Variants in HMMR observed in about 807,000 individuals in gnomAD.
HMMR encodes intracellular hyaluronic acid-binding protein.
A neutral mutation model predicts 101.0 loss-of-function variants in HMMR; 108 were observed. The observed-to-expected ratio is 1.07, with a 90% CI of 0.92 to 1.25. HMMR has a LOEUF of 1.25. Among genes scored for constraint, HMMR ranks in the 50% most tolerant of loss-of-function variants. HMMR has a pLI of 0.00. For missense variants in HMMR, 813 were observed against 788.7 expected, an observed-to-expected ratio of 1.03 and a Z score of -0.37; for synonymous variants, 296 against 276.4, an observed-to-expected ratio of 1.07 and a Z score of -0.70.
intron 16 of HMMR, chr5:163,489,299 C>G (rs557103694): frequency 6.6e-6 from 1 of 152,450 alleles, no homozygotes; most frequent in Admixed American, 6.5e-5. Context: ...GGGTATTGGT[C>G]TGTAGCCCGG....
At chr5:163,475,036 A>G (rs1442573768) in intron 10 of HMMR, among the ~76,000 whole-genome samples, 1 of 152,120 alleles carries the variant, frequency 6.6e-6, no homozygotes, top group Non-Finnish European at 1.5e-5. Flanking sequence ...AGATAATATT[A>G]ACATCATTTG....
intron 7 of HMMR, among the ~76,000 whole-genome samples, chr5:163,472,425 T>C (rs553239284): frequency 1.3e-5 from 2 of 152,302 alleles, no homozygotes; most frequent in South Asian, 4.1e-4. Context: ...TGTTTTATGT[T>C]TTTTTATGGA....
intron 12 of HMMR, 68 bp from the exon 13 acceptor site, chr5:163,482,574 C>T (rs182979055): frequency 4.4e-6 from 5 of 1,131,446 alleles, no homozygotes; most frequent in Non-Finnish European, 6.5e-6. Context: ...AAAGTGTAAA[C>T]TAATCAGTTA....
In HMMR at chr5:163,460,676, T is replaced by G; in HGVS notation, c.-17T>G. On this transcript the variant is annotated 5_prime_UTR_variant, in exon 1 of 18. Transcript: ENST00000393915. ...AGGAGTGCCAGTCACCTTCAGTTTC[T>G]GGAGCTGGCCGTCAACATGTCCTTT... 1.2e-6 allele frequency: 2 copies of G among 1,601,052 alleles called. No homozygotes were observed. The highest frequency in any genetic ancestry group is 1.7e-6 in the Non-Finnish European group (2 of 1,173,166).
chr5:163,484,991 C>T (rs1759427108), intron 16 of HMMR, among the ~76,000 whole-genome samples: 1 of 152,048 alleles, frequency 6.6e-6, no homozygotes, highest in Non-Finnish European at 1.5e-5. Flanking sequence ...TGTGGGTATA[C>T]CACATTTTAT....
intron 10 of HMMR, chr5:163,474,735 A>C (rs956815792): frequency 2.6e-6 from 1 of 385,898 alleles, no homozygotes; most frequent in Non-Finnish European, 5.0e-6. Context: ...ATTGGCACAA[A>C]TTAAAACATT....
intron 8 of HMMR, 60 bp downstream of exon 8, chr5:163,473,313 C>A: frequency 6.7e-7 from 1 of 1,498,466 alleles, no homozygotes; most frequent in Non-Finnish European, 9.2e-7. Flanking sequence ...TCATTTTCAT[C>A]ATTTTTCTGT....
intron 4 of HMMR, 64 bp downstream of exon 4, chr5:163,467,812 G>C: frequency 1.9e-6 from 2 of 1,040,368 alleles, no homozygotes; most frequent in Non-Finnish European, 3.0e-6. Context: ...ACAGATTTAA[G>C]AGATAAGGAT....
intron 10 of HMMR, 68 bp from the exon 11 acceptor site, chr5:163,475,390 T>C: frequency 1.3e-6 from 1 of 799,050 alleles, no homozygotes; most frequent in South Asian, 1.9e-5. Flanking sequence ...CTGTACTTTT[T>C]TTTGTCTCCT....
intron 11 of HMMR, among the ~76,000 whole-genome samples, chr5:163,476,020 A>C (rs1453263789): frequency 1.3e-5 from 2 of 152,116 alleles, no homozygotes; most frequent in Non-Finnish European, 2.9e-5. Flanking sequence ...TTAGAACAAT[A>C]ATCAACTCAG....
chr5:163,465,448 C>T (rs949736412), intron 3 of HMMR, among the ~76,000 whole-genome samples: 2 of 152,184 alleles, frequency 1.3e-5, no homozygotes, highest in African/African-American at 2.4e-5. Flanking sequence ...GATTCTCCTG[C>T]CTCAGCCTCC....
Position 163,490,533 on chromosome 5 carries a change from G to C in HMMR, c.2106G>C (p.Leu702=). 1 of 1,599,486 alleles carries C rather than the reference G, an allele frequency of 6.3e-7. No homozygotes were observed. Among genetic ancestry groups the C allele is most frequent in the Non-Finnish European group, 8.5e-7 (1 of 1,175,718 alleles). Residue 702 remains leucine (L), a synonymous_variant, in exon 17 of 18, where the codon CTG becomes CTC. Transcript: ENST00000393915. The stretch of plus-strand genomic sequence containing the variant: ...ATGAAAGTAAAGAAAATTTTGCCCT[G>C]AAGACCCCATTAAAAGAAGGTAAGA... ...FHHESKENFA[L]KTPLKEGNTN...
chr5:163,473,703 C>CA, intron 9 of HMMR, 146 bp downstream of exon 9: 1 of 550,826 alleles, frequency 1.8e-6, no homozygotes, highest in Non-Finnish European at 3.1e-6. Flanking sequence ...TATACAACAG[C>CA]AAAAACCTGT....
intron 10 of HMMR, 76 bp downstream of exon 10, chr5:163,474,281 T>C (rs1759000443): frequency 3.7e-6 from 4 of 1,084,572 alleles, no homozygotes; most frequent in Non-Finnish European, 5.4e-6. Context: ...CACCTTTAAA[T>C]TGTGTATATC....
At chr5:163,485,150 T>C (rs1332971995) in intron 16 of HMMR, among the ~76,000 whole-genome samples, 1 of 152,156 alleles carries the variant, frequency 6.6e-6, no homozygotes, top group Non-Finnish European at 1.5e-5. Flanking sequence ...AGGAGGGAAA[T>C]TGCCAGATCA....
At chr5:163,474,032 A>G in intron 9 of HMMR, 25 bp from the exon 10 acceptor site, 3 of 1,590,394 alleles carry the variant, frequency 1.9e-6, no homozygotes, top group Non-Finnish European at 2.6e-6. Flanking sequence ...TAATTCCAGT[A>G]TTCTTGATGT....
rs564620480 is a variant in HMMR at position 163,487,723 on chromosome 5, CT to C, written c.1963-2659del. ...ATTGTTCATAGTATTCCTTTATAAT[CT>C]TTTTTTTATTTCTGTAAGGTCAGTA... On this transcript the variant is annotated intron_variant, in intron 16 of 17. Transcript: ENST00000393915. Among the ~76,000 whole-genome samples the C allele has an allele frequency of 2.3e-4, 35 of 149,986 alleles. No individual in the cohort carries two copies. The East Asian group carries it at 5.1e-3, about 22-fold the overall frequency.
At chr5:163,467,042 G>A (rs1347157149) in intron 3 of HMMR, among the ~76,000 whole-genome samples, 3 of 152,148 alleles carry the variant, frequency 2.0e-5, no homozygotes, top group African/African-American at 4.8e-5. Context: ...TTCATGGAGT[G>A]TGAAATTAAT....
chr5:163,479,902 G>C (rs1461768300), intron 12 of HMMR, among the ~76,000 whole-genome samples: 1 of 151,842 alleles, frequency 6.6e-6, no homozygotes, highest in Non-Finnish European at 1.5e-5. Flanking sequence ...AGTTTATTTT[G>C]GGTGGAACTA....
Sources: allele counts gnomAD v4.1 joint callset (sites outside exome capture counted in the v4.1 genomes callset), GRCh38; gene constraint gnomAD v4.1.1; transcripts MANE v1.5; gene names NCBI Gene and HGNC (gene_info 2026-07-23, HGNC 2026-07-21).